MAML2: variants seen among roughly 807,000 people sequenced by gnomAD.
MAML2 encodes the protein mastermind-like protein 2.
MAML2 carries 22 observed loss-of-function variants against 96.1 expected under a neutral mutation model. The ratio of observed to expected loss-of-function variants is 0.23; its 90% confidence interval spans 0.16 to 0.33. The LOEUF is 0.33. Among genes scored for constraint, MAML2 ranks in the 10% least tolerant of loss-of-function variants. MAML2 has a pLI of 1.00. For missense variants in MAML2, 1,367 were observed against 1,392.4 expected (o/e 0.98, Z 0.29); for synonymous variants, 561 against 521.3 (o/e 1.08, Z -1.04).
intron 1 of MAML2, among the ~76,000 whole-genome samples, chr11:96,104,004 G>A (rs1226062580): frequency 6.6e-6 from 1 of 152,142 alleles, no homozygotes; most frequent in Non-Finnish European, 1.5e-5. Flanking sequence ...ATCATAGTTA[G>A]CTCCTTCTTT....
At chr11:96,264,511 C>T (rs961145531) in intron 1 of MAML2, among the ~76,000 whole-genome samples, 6 of 152,182 alleles carry the variant, frequency 3.9e-5, no homozygotes, top group African/African-American at 1.2e-4. Flanking sequence ...TTTTGTGCCA[C>T]TCACTCAAAA....
At chr11:96,046,184 G>T (rs1011037961) in intron 2 of MAML2, among the ~76,000 whole-genome samples, 1 of 152,088 alleles carries the variant, frequency 6.6e-6, no homozygotes, top group Non-Finnish European at 1.5e-5. Flanking sequence ...ACCAGCGCAG[G>T]TGAGGTAGAA....
chr11:96,165,115 T>G (rs503790), intron 1 of MAML2, among the ~76,000 whole-genome samples: 2 of 152,220 alleles, frequency 1.3e-5, no homozygotes, highest in Non-Finnish European at 2.9e-5. Flanking sequence ...GGCATGCATA[T>G]GCACAATATT....
intron 1 of MAML2, among the ~76,000 whole-genome samples, chr11:96,177,093 G>C (rs4338489): frequency 0.41 from 62,674 of 152,024 alleles, 14,141 homozygotes; most frequent in Non-Finnish European, 0.5. Context: ...ACATGAAAAT[G>C]TATCAGGAGA....
At chr11:95,990,898 G>A (rs1031039891) in intron 3 of MAML2, among the ~76,000 whole-genome samples, 2 of 151,998 alleles carry the variant, frequency 1.3e-5, no homozygotes, top group Non-Finnish European at 2.9e-5. Context: ...AGAGTGTGTG[G>A]GAAACACAAT....
intron 2 of MAML2, among the ~76,000 whole-genome samples, chr11:96,040,709 G>C (rs1461522496): frequency 2.0e-5 from 3 of 152,222 alleles, no homozygotes; most frequent in African/African-American, 7.2e-5. Flanking sequence ...GGGGGTTGCA[G>C]TGAGCCGAGA....
At chr11:96,064,379 A>C (rs1365373916) in intron 2 of MAML2, among the ~76,000 whole-genome samples, 4 of 152,244 alleles carry the variant, frequency 2.6e-5, no homozygotes, top group Non-Finnish European at 5.9e-5. Context: ...AGACAAGAGG[A>C]CTTCTAATGT....
chr11:96,122,302 G>A (rs1860361414), intron 1 of MAML2, among the ~76,000 whole-genome samples: 1 of 151,322 alleles, frequency 6.6e-6, no homozygotes, highest in Non-Finnish European at 1.5e-5. Context: ...AAAACCTGCA[G>A]ATTTTTTTTT....
chr11:96,295,908 C>T (rs1391656911), intron 1 of MAML2, among the ~76,000 whole-genome samples: 2 of 83,834 alleles, frequency 2.4e-5, no homozygotes, highest in African/African-American at 5.1e-5. Context: ...TAACCCACAA[C>T]AAGAAATCCA....
intron 1 of MAML2, among the ~76,000 whole-genome samples, chr11:96,230,008 T>C (rs1816297902): frequency 6.6e-6 from 1 of 152,200 alleles, no homozygotes; most frequent in Admixed American, 6.5e-5. Flanking sequence ...TTGTTAAGTT[T>C]TCAGAATTGT....
At chr11:96,135,735 G>A (rs938577505) in intron 1 of MAML2, among the ~76,000 whole-genome samples, 2 of 150,952 alleles carry the variant, frequency 1.3e-5, no homozygotes, top group African/African-American at 4.9e-5. Flanking sequence ...CTTCTGGCTC[G>A]CTGCTCAAGG....
intron 1 of MAML2, among the ~76,000 whole-genome samples, chr11:96,204,564 G>A (rs1474706037): frequency 6.6e-6 from 1 of 152,120 alleles, no homozygotes; most frequent in Non-Finnish European, 1.5e-5. Context: ...TAATAAAGAG[G>A]TCACTGATTT....
At chr11:96,322,381 C>G (rs1459822399) in intron 1 of MAML2, among the ~76,000 whole-genome samples, 2 of 152,168 alleles carry the variant, frequency 1.3e-5, no homozygotes, top group African/African-American at 4.8e-5. Flanking sequence ...CAGCTGCTAT[C>G]TGAGGACTGA....
chr11:96,185,912 C>T (rs540417208), intron 1 of MAML2, among the ~76,000 whole-genome samples: 10 of 152,272 alleles, frequency 6.6e-5, no homozygotes, highest in South Asian at 2.1e-4. Flanking sequence ...AGCATCAATG[C>T]GTGGTGCACA....
chr11:95,994,474 G>A (rs930657977), intron 2 of MAML2, among the ~76,000 whole-genome samples: 19 of 152,152 alleles, frequency 1.2e-4, no homozygotes, highest in African/African-American at 4.6e-4. Flanking sequence ...GGTGAGCTGA[G>A]TGTCTTGGAG....
chr11:96,062,744 C>T (rs1859184012), intron 2 of MAML2, among the ~76,000 whole-genome samples: 1 of 152,194 alleles, frequency 6.6e-6, no homozygotes, highest in African/African-American at 2.4e-5. Context: ...TCAAATGTCA[C>T]ATCACAGAGA....
At chr11:96,075,828 A>G (rs975696003) in intron 2 of MAML2, among the ~76,000 whole-genome samples, 6 of 152,192 alleles carry the variant, frequency 3.9e-5, no homozygotes, top group Admixed American at 3.9e-4. Context: ...TTAATGTGTC[A>G]TCTGCTACCA....
chr11:96,051,695 C>T (rs894345512), intron 2 of MAML2, among the ~76,000 whole-genome samples: 5 of 152,168 alleles, frequency 3.3e-5, no homozygotes, highest in African/African-American at 1.2e-4. Flanking sequence ...TCCTCAAATG[C>T]CTGAAAGCCC....
At chr11:96,008,430 G>A (rs1858219637) in intron 2 of MAML2, among the ~76,000 whole-genome samples, 1 of 152,122 alleles carries the variant, frequency 6.6e-6, no homozygotes, top group Admixed American at 6.5e-5. Context: ...AGATTCATGT[G>A]GTGCTTTTTT....
Sources: gnomAD v4.1 joint callset for allele counts (sites outside exome capture counted in the v4.1 genomes callset) on GRCh38, gnomAD v4.1.1 for gene constraint, MANE v1.5 for transcripts, NCBI Gene and HGNC (gene_info 2026-07-23, HGNC 2026-07-21) for gene names.